INPP5B: variants seen among roughly 807,000 people sequenced by gnomAD.
INPP5B encodes the protein type II inositol 1,4,5-trisphosphate 5-phosphatase.
Under a neutral mutation model 118.5 loss-of-function variants are expected in INPP5B, and 90 were observed. The observed-to-expected ratio is 0.76, with a 90% confidence interval of 0.64 to 0.90. The LOEUF is 0.90. Among genes scored for constraint, INPP5B ranks in the 40% least tolerant of loss-of-function variants. The pLI is 0.00. For synonymous variants in INPP5B, 385 were observed against 418.9 expected (o/e 0.92, Z 0.99); for missense variants, 984 against 1,125.6 (o/e 0.87, Z 1.80).
At chr1:37,926,809 T>A (rs1195913612) in intron 7 of INPP5B, among the ~76,000 whole-genome samples, 2 of 152,078 alleles carry the variant, frequency 1.3e-5, no homozygotes, top group Non-Finnish European at 2.9e-5. Flanking sequence ...TACTGGGCCC[T>A]GTACAGGATC....
chr1:37,937,512 A>G (rs538289398), intron 6 of INPP5B, among the ~76,000 whole-genome samples: 4 of 151,166 alleles, frequency 2.6e-5, no homozygotes, highest in Non-Finnish European at 5.9e-5. Context: ...CACGCCTGTA[A>G]TCCCAGCACT....
chr1:37,935,981 G>A (rs1032329882), intron 6 of INPP5B, among the ~76,000 whole-genome samples: 4 of 152,050 alleles, frequency 2.6e-5, no homozygotes, highest in African/African-American at 9.7e-5. Context: ...CAGGAGAATG[G>A]CATGAACCTG....
chr1:37,868,730 G>A (rs540140382), intron 19 of INPP5B, 116 bp from the exon 20 acceptor site: 14 of 693,570 alleles, frequency 2.0e-5, no homozygotes, highest in South Asian at 1.1e-4. Context: ...CCCTAACCAC[G>A]CATTCCACAG....
At chr1:37,896,043 G>A (rs993096224) in intron 7 of INPP5B, among the ~76,000 whole-genome samples, 2 of 150,240 alleles carry the variant, frequency 1.3e-5, no homozygotes, top group African/African-American at 4.9e-5. Flanking sequence ...TCTCTGCCCG[G>A]CCGCCATCCC....
chr1:37,895,864 A>G (rs1186726317), intron 7 of INPP5B, among the ~76,000 whole-genome samples: 2 of 152,078 alleles, frequency 1.3e-5, no homozygotes, highest in Non-Finnish European at 1.5e-5. Context: ...GGCTCGCTAC[A>G]ACCTCCACCT....
intron 7 of INPP5B, among the ~76,000 whole-genome samples, chr1:37,904,090 G>T (rs897792951): frequency 6.6e-6 from 1 of 152,096 alleles, no homozygotes; most frequent in Admixed American, 6.6e-5. Context: ...ACTTTGGGAG[G>T]CCGAGGCAGA....
chr1:37,935,668 C>A (rs188175293), intron 6 of INPP5B, among the ~76,000 whole-genome samples: 17 of 152,314 alleles, frequency 1.1e-4, no homozygotes, highest in African/African-American at 3.8e-4. Flanking sequence ...CTTAGCCATT[C>A]CAGTACATTC....
chr1:37,889,223 C>T (rs1438215082), intron 9 of INPP5B, among the ~76,000 whole-genome samples: 3 of 152,136 alleles, frequency 2.0e-5, no homozygotes, highest in Non-Finnish European at 4.4e-5. Flanking sequence ...GGCAACAAAG[C>T]GAGACCTTGT....
chr1:37,877,766 TA>T (rs1358500447), intron 16 of INPP5B, among the ~76,000 whole-genome samples: 1 of 152,126 alleles, frequency 6.6e-6, no homozygotes, highest in Non-Finnish European at 1.5e-5. Context: ...TTGCAACCTT[TA>T]AAAATAATGA....
intron 23 of INPP5B, among the ~76,000 whole-genome samples, chr1:37,863,939 C>T (rs371922916): frequency 6.6e-6 from 1 of 151,480 alleles, no homozygotes; most frequent in African/African-American, 2.4e-5. Context: ...CTCAGCCTCC[C>T]GTTTAGCTGG....
At chr1:37,888,437 T>C (rs955267791) in intron 9 of INPP5B, 93 bp from the exon 10 acceptor site, 6 of 712,808 alleles carry the variant, frequency 8.4e-6, no homozygotes, top group Non-Finnish European at 1.3e-5. Context: ...TTTCCGTCTC[T>C]GTGGACTGGC....
chr1:37,869,565 C>T (rs187949413), intron 19 of INPP5B, among the ~76,000 whole-genome samples: 27 of 152,014 alleles, frequency 1.8e-4, no homozygotes, highest in South Asian at 6.2e-4. Flanking sequence ...CTGCAACCTC[C>T]GCCTCCTGGG....
At chr1:37,868,428 A>C in intron 20 of INPP5B, 73 bp downstream of exon 20, 1 of 958,522 alleles carries the variant, frequency 1.0e-6, no homozygotes, top group East Asian at 2.4e-5. Context: ...TCCTTATGAA[A>C]AAAGTTCTTG....
At chr1:37,932,769 T>C (rs1204891820) in intron 6 of INPP5B, among the ~76,000 whole-genome samples, 1 of 152,064 alleles carries the variant, frequency 6.6e-6, no homozygotes, top group Non-Finnish European at 1.5e-5. Flanking sequence ...TGCCAGAGGG[T>C]TGGAGGATTT....
At chr1:37,916,616 A>G (rs2148618718) in intron 7 of INPP5B, among the ~76,000 whole-genome samples, 1 of 151,662 alleles carries the variant, frequency 6.6e-6, no homozygotes, top group South Asian at 2.1e-4. Context: ...GGGTTTCTCC[A>G]TGTTGGTCAG....
At chr1:37,866,854 C>A (rs1642079100) in intron 20 of INPP5B, among the ~76,000 whole-genome samples, 1 of 151,944 alleles carries the variant, frequency 6.6e-6, no homozygotes, top group Non-Finnish European at 1.5e-5. Flanking sequence ...GAGGGATTAC[C>A]CAGGGGAAAA....
intron 7 of INPP5B, among the ~76,000 whole-genome samples, chr1:37,920,638 C>G (rs1360053668): frequency 6.6e-6 from 1 of 150,824 alleles, no homozygotes; most frequent in African/African-American, 2.4e-5. Context: ...GCACTCCAGC[C>G]TGGGCGACAG....
At chr1:37,918,019 T>G (rs1054705639) in intron 7 of INPP5B, among the ~76,000 whole-genome samples, 1 of 152,122 alleles carries the variant, frequency 6.6e-6, no homozygotes, top group African/African-American at 2.4e-5. Context: ...TTCCCTGAGC[T>G]CTCCCGCCTA....
intron 7 of INPP5B, among the ~76,000 whole-genome samples, chr1:37,919,802 G>T (rs1379800589): frequency 6.6e-6 from 1 of 152,044 alleles, no homozygotes; most frequent in African/African-American, 2.4e-5. Flanking sequence ...AATTAGCCAG[G>T]CGTGGTGGCA....
Sources: allele counts gnomAD v4.1 joint callset (sites outside exome capture counted in the v4.1 genomes callset), GRCh38; gene constraint gnomAD v4.1.1; transcripts MANE v1.5; gene names NCBI Gene and HGNC (gene_info 2026-07-23, HGNC 2026-07-21).